The following SCFD2 variants were observed in gnomAD, a reference collection of about 807,000 sequenced individuals.
The protein encoded by SCFD2 is sec1 family domain-containing protein 2.
A neutral mutation model predicts 58.9 loss-of-function variants in SCFD2; 54 were observed. The ratio of observed to expected loss-of-function variants is 0.92; its 90% CI spans 0.74 to 1.15. SCFD2 has a LOEUF of 1.15. Among genes scored for constraint, SCFD2 ranks in the 50% most tolerant of loss-of-function variants. The pLI, the probability that SCFD2 is intolerant of heterozygous loss-of-function variation, is 0.00. For synonymous variants in SCFD2, 321 were observed against 335.9 expected, an observed-to-expected ratio of 0.96 and a Z score of 0.49; for missense variants, 805 against 836.6, an observed-to-expected ratio of 0.96 and a Z score of 0.47.
At chr4:53,263,610 G>T (rs749944258) in intron 4 of SCFD2, among the ~76,000 whole-genome samples, 1 of 152,188 alleles carries the variant, frequency 6.6e-6, no homozygotes, top group African/African-American at 2.4e-5. Flanking sequence ...CCATCTTCAG[G>T]TCTTTCGGCC....
intron 5 of SCFD2, among the ~76,000 whole-genome samples, chr4:53,108,268 T>C (rs564996124): frequency 2.6e-5 from 4 of 152,112 alleles, no homozygotes; most frequent in East Asian, 3.9e-4. Context: ...CAGGAGAAAG[T>C]AGGAAAGATG....
At chr4:53,332,747 G>C (rs1329252808) in intron 2 of SCFD2, among the ~76,000 whole-genome samples, 2 of 151,762 alleles carry the variant, frequency 1.3e-5, no homozygotes, top group African/African-American at 2.4e-5. Context: ...GTTCTGGCCA[G>C]GGCAATTAGG....
intron 5 of SCFD2, among the ~76,000 whole-genome samples, chr4:52,962,667 G>C (rs1309841018): frequency 6.7e-6 from 1 of 149,660 alleles, no homozygotes; most frequent in South Asian, 2.1e-4. Flanking sequence ...GATGAAAATA[G>C]TTTAGAGGGG....
chr4:53,176,178 A>C (rs1489276425), intron 4 of SCFD2, among the ~76,000 whole-genome samples: 3 of 152,264 alleles, frequency 2.0e-5, no homozygotes, highest in Admixed American at 2.0e-4. Flanking sequence ...ATAACAGTCA[A>C]ACCAGATACA....
At chr4:53,343,090 G>A (rs1211636372) in intron 2 of SCFD2, among the ~76,000 whole-genome samples, 1 of 151,992 alleles carries the variant, frequency 6.6e-6, no homozygotes, top group Non-Finnish European at 1.5e-5. Flanking sequence ...CTAGAAGAAG[G>A]CAAGAAATAA....
intron 5 of SCFD2, among the ~76,000 whole-genome samples, chr4:52,943,026 C>A (rs775725228): frequency 6.6e-6 from 1 of 151,044 alleles, no homozygotes; most frequent in Non-Finnish European, 1.5e-5. Flanking sequence ...TAAATAAAAT[C>A]TCCTAAAATG....
At chr4:53,166,325 A>G (rs1295470232) in intron 4 of SCFD2, among the ~76,000 whole-genome samples, 1 of 152,260 alleles carries the variant, frequency 6.6e-6, no homozygotes, top group Non-Finnish European at 1.5e-5. Flanking sequence ...CTCAGAGGTC[A>G]TGACATTTAA....
intron 5 of SCFD2, among the ~76,000 whole-genome samples, chr4:53,024,389 GA>G (rs1266338120): frequency 2.0e-5 from 3 of 152,170 alleles, no homozygotes; most frequent in Non-Finnish European, 4.4e-5. Context: ...CTGTTTTTAA[GA>G]TGGCATAATC....
intron 7 of SCFD2, among the ~76,000 whole-genome samples, chr4:52,887,207 G>A (rs770248898): frequency 1.3e-5 from 2 of 152,042 alleles, no homozygotes; most frequent in Non-Finnish European, 2.9e-5. Flanking sequence ...AAGAGAACAG[G>A]GCCCATCCTC....
At chr4:53,226,742 CAA>C (rs940922687) in intron 4 of SCFD2, among the ~76,000 whole-genome samples, 4 of 151,616 alleles carry the variant, frequency 2.6e-5, no homozygotes, top group African/African-American at 9.7e-5. Flanking sequence ...TGGGCAGCAC[CAA>C]AAAAAGGCAG....
intron 3 of SCFD2, among the ~76,000 whole-genome samples, chr4:53,308,264 C>T (rs897051118): frequency 3.3e-5 from 5 of 152,116 alleles, no homozygotes; most frequent in African/African-American, 1.2e-4. Flanking sequence ...AATTCCCTTC[C>T]CCATTCCCCA....
chr4:53,052,110 C>T (rs1366827504), intron 5 of SCFD2, among the ~76,000 whole-genome samples: 3 of 152,120 alleles, frequency 2.0e-5, no homozygotes, highest in Non-Finnish European at 4.4e-5. Context: ...CTTTCCATTG[C>T]TTTTACTAAT....
At chr4:52,998,904 G>A (rs891206899) in intron 5 of SCFD2, among the ~76,000 whole-genome samples, 3 of 152,120 alleles carry the variant, frequency 2.0e-5, no homozygotes, top group Non-Finnish European at 2.9e-5. Context: ...AACAGTCCCT[G>A]AGCTATAGGG....
intron 5 of SCFD2, among the ~76,000 whole-genome samples, chr4:53,055,913 C>G (rs1322585357): frequency 6.6e-6 from 1 of 152,148 alleles, no homozygotes; most frequent in Non-Finnish European, 1.5e-5. Context: ...AGACCACCAT[C>G]AGAAGAGCCA....
intron 5 of SCFD2, among the ~76,000 whole-genome samples, chr4:53,062,013 T>A (rs1723527122): frequency 6.6e-6 from 1 of 151,990 alleles, no homozygotes; most frequent in Non-Finnish European, 1.5e-5. Flanking sequence ...AACAAGATGC[T>A]ATTAGGTGAC....
At chr4:53,255,190 T>C (rs1226812897) in intron 4 of SCFD2, among the ~76,000 whole-genome samples, 1 of 144,588 alleles carries the variant, frequency 6.9e-6, no homozygotes, top group Non-Finnish European at 1.5e-5. Context: ...TATTCTTTTT[T>C]TTTCTTTTTT....
At chr4:53,099,207 G>A (rs181745262) in intron 5 of SCFD2, among the ~76,000 whole-genome samples, 44 of 152,220 alleles carry the variant, frequency 2.9e-4, no homozygotes, top group East Asian at 1.5e-3. Flanking sequence ...ACAAGTCTTC[G>A]CCAGTTTTCC....
intron 5 of SCFD2, among the ~76,000 whole-genome samples, chr4:53,092,191 C>CA (rs1189880816): frequency 6.6e-6 from 1 of 152,032 alleles, no homozygotes; most frequent in Admixed American, 6.6e-5. Flanking sequence ...AGCATATATA[C>CA]AGGACAAAAT....
At chr4:52,897,825 AT>A (rs1490522993) in intron 7 of SCFD2, among the ~76,000 whole-genome samples, 2 of 152,154 alleles carry the variant, frequency 1.3e-5, no homozygotes, top group Non-Finnish European at 2.9e-5. Context: ...TATTGCCTCA[AT>A]TTCACAGCCT....
Sources: gnomAD v4.1 joint callset for allele counts (sites outside exome capture counted in the v4.1 genomes callset) on GRCh38, gnomAD v4.1.1 for gene constraint, MANE v1.5 for transcripts, NCBI Gene and HGNC (gene_info 2026-07-23, HGNC 2026-07-21) for gene names.